HIP1R: variants seen among roughly 807,000 people sequenced by gnomAD.
HIP1R encodes huntingtin-interacting protein 1-related protein.
A neutral mutation model predicts 144.2 loss-of-function variants in HIP1R; 135 were observed. The ratio of observed to expected loss-of-function variants is 0.94; its 90% CI spans 0.81 to 1.08. The LOEUF is 1.08. Among genes scored for constraint, HIP1R ranks in the 50% least tolerant of loss-of-function variants. HIP1R has a pLI of 0.00. For missense variants in HIP1R, 1,462 were observed against 1,432.8 expected (o/e 1.02, Z -0.33); for synonymous variants, 698 against 612.8 (o/e 1.14, Z -2.05).
At chr12:122,853,303 C>T (rs1332572663) in intron 7 of HIP1R, among the ~76,000 whole-genome samples, 1 of 27,656 alleles carries the variant, frequency 3.6e-5, no homozygotes, top group Non-Finnish European at 7.9e-5. Context: ...GAGACGGGCC[C>T]TGGGGGTGTC....
rs1286391991 is a variant in HIP1R, at chr12:122,855,535, T to A, written c.994-16T>A. 6.5e-7 allele frequency: 1 copy of A among 1,549,528 alleles called. No homozygotes were observed. Among genetic ancestry groups the A allele is most frequent in the South Asian group, 1.2e-5 (1 of 83,988 alleles). On this transcript the variant is annotated splice_polypyrimidine_tract_variant and intron_variant, in intron 11 of 31. Coordinates refer to ENST00000253083, the MANE Select transcript of HIP1R (RefSeq NM_003959.3). ...AGGGCACAGGTGAGTGGGGTCACCATGCTTTGCTGTGGCAGGTGGTGGCTG... is the reference window on the plus strand; with the variant it reads ...AGGGCACAGGTGAGTGGGGTCACCAAGCTTTGCTGTGGCAGGTGGTGGCTG...
intron 18 of HIP1R, 141 bp downstream of exon 18, chr12:122,857,356 C>T: frequency 1.3e-6 from 1 of 783,352 alleles, no homozygotes; most frequent in Non-Finnish European, 2.1e-6. Flanking sequence ...CCGGCTTCTT[C>T]ACTCAGCATC....
chr12:122,860,965 C>A lies in HIP1R; in HGVS notation c.2816C>A (p.Ser939Tyr). ...CACCTGAGCCGCCTGCAGGAATGTTCTCGCACAGTCAATGAGAGGGCTGCC... is the reference window on the plus strand; with the variant it reads ...CACCTGAGCCGCCTGCAGGAATGTTATCGCACAGTCAATGAGAGGGCTGCC... ...SPHLSRLQEC[S>Y]RTVNERAANV... Residue 939 changes from serine to tyrosine, a missense_variant, in exon 29 of 32, where the codon TCT becomes TAT. Coordinates refer to ENST00000253083, the MANE Select transcript of HIP1R (RefSeq NM_003959.3). 1 of 1,613,528 alleles carries A rather than the reference C, an allele frequency of 6.2e-7. No individual in the cohort carries two copies. Among genetic ancestry groups the A allele is most frequent in the South Asian group, 1.1e-5 (1 of 91,066 alleles).
intron 7 of HIP1R, among the ~76,000 whole-genome samples, chr12:122,852,664 C>T (rs977763647): frequency 6.6e-6 from 1 of 152,218 alleles, no homozygotes; most frequent in African/African-American, 2.4e-5. Context: ...AGCAAAGAAA[C>T]ACAAACGTCC....
intron 21 of HIP1R, 29 bp downstream of exon 21, chr12:122,858,974 G>A: frequency 6.2e-7 from 1 of 1,611,932 alleles, no homozygotes; most frequent in Non-Finnish European, 8.5e-7. Flanking sequence ...GGCAGGTTCT[G>A]TCCACCTCAC....
chr12:122,862,866 C>T lies in HIP1R; in HGVS notation c.*1113C>T, dbSNP rs887508697. ...AAATACTGGCCAAGGTCAGGAGGAG[C>T]AAAAATGAGCCAGCACCAGCGCCTT... On this transcript the variant is annotated 3_prime_UTR_variant, in exon 32 of 32. Coordinates refer to ENST00000253083, the MANE Select transcript of HIP1R (RefSeq NM_003959.3). 1 of 152,064 alleles carries T rather than the reference C, an allele frequency of 6.6e-6. No homozygotes were observed. Among genetic ancestry groups the T allele is most frequent in the African/African-American group, 2.4e-5 (1 of 41,392 alleles). 9.4% of individuals were successfully genotyped at this position (152,064 alleles called of 1,614,324 possible). A position where few individuals can be genotyped will look rare whatever the true frequency, so the allele number is the denominator to read the frequency against.
chr12:122,860,395 T>G (rs2033733026), intron 26 of HIP1R, 28 bp from the exon 27 acceptor site: 1 of 1,610,446 alleles, frequency 6.2e-7, no homozygotes, highest in African/African-American at 1.3e-5. Flanking sequence ...GACTGGCATG[T>G]CCTGCCCTGT....
chr12:122,856,863 G>A, intron 17 of HIP1R, 137 bp downstream of exon 17: 2 of 1,028,014 alleles, frequency 1.9e-6, no homozygotes, highest in Non-Finnish European at 2.9e-6. Context: ...CAGACCCAGG[G>A]GCTACATGGG....
At chr12:122,851,046 C>G (rs2033379511) in intron 6 of HIP1R, 135 bp downstream of exon 6, 3 of 889,938 alleles carry the variant, frequency 3.4e-6, no homozygotes, top group Non-Finnish European at 5.2e-6. Context: ...GATGCTCACG[C>G]TCCCAGGGAC....
At chr12:122,861,537 G>C (rs1490412050) in intron 31 of HIP1R, 23 bp downstream of exon 31, 2 of 1,600,292 alleles carry the variant, frequency 1.2e-6, no homozygotes, top group African/African-American at 2.7e-5. Flanking sequence ...CTGGGATGGG[G>C]GAGTTCCTGG....
rs757873697 is a variant in HIP1R at position 122,860,047 on chromosome 12, G to A, written c.2466G>A (p.Arg822=). 3.2e-6 allele frequency: 5 copies of A among 1,556,474 alleles called. No homozygotes were observed. Among genetic ancestry groups the A allele is most frequent in the Non-Finnish European group, 3.5e-6 (4 of 1,152,258 alleles). The change falls in exon 25 of 32, where the codon AGG becomes AGA. Residue 822 remains arginine (R), a splice_region_variant and synonymous_variant. Coordinates refer to ENST00000253083, the MANE Select transcript of HIP1R (RefSeq NM_003959.3). The stretch of plus-strand genomic sequence containing the variant: ...CTAAGTCTCTCCTTCTCTCCCCCAG[G>A]ATCCTCAACTCCTGCACAGACCTGA... The part of the protein sequence containing the change: ...SSGVKLEVNE[R]ILNSCTDLMK...
rs373603682 is a variant in HIP1R at position 122,855,430 on chromosome 12, C to A, written c.993+25C>A. The A allele has an allele frequency of 2.6e-6, 4 of 1,551,402 alleles. No homozygotes were observed. The East Asian group carries it at 9.7e-5, about 38-fold the overall frequency. ...GGTGAGCCCCCTGCCCAGCCCGTGT[C>A]CCCCAGTCCTCCAGCTGCAGCATGA... On this transcript the variant is annotated intron_variant, in intron 11 of 31. Transcript: ENST00000253083.
At position 122,856,056 on chromosome 12, in the gene HIP1R, A is replaced by G. The variant is rs779351725; in HGVS notation, c.1205A>G (p.Lys402Arg). ...GAGCTGGAGGAGCAGCGGAAGCAGA[A>G]GCAGAAGGCCCTGGTGGATAATGAG... is the stretch of plus-strand genomic sequence containing the variant. ...EGELEEQRKQ[K>R]QKALVDNEQL... Residue 402 changes from lysine (K) to arginine (R), a missense_variant, in exon 14 of 32, where the codon AAG becomes AGG. Around this residue, in one of 2 missense-constraint regions of HIP1R, gnomAD observed 1,112 missense variants for 1,011.7 expected, o/e 1.10. Transcript: ENST00000253083. 7 of 1,593,208 alleles carry G rather than the reference A, an allele frequency of 4.4e-6. No homozygotes were observed. Among genetic ancestry groups the G allele is most frequent in the Non-Finnish European group, 5.1e-6 (6 of 1,170,216 alleles).
In HIP1R at chr12:122,861,802, C is replaced by T. The variant is rs1475451253; in HGVS notation, c.*49C>T. The T allele has an allele frequency of 1.1e-5, 17 of 1,573,878 alleles. No homozygotes were observed. Among genetic ancestry groups the T allele is most frequent in the Non-Finnish European group, 1.4e-5 (16 of 1,145,304 alleles). Reference sequence around the variant, plus strand: ...GGCTGGTGACAGGCCTGGGCCTCTGCAACTGCCCTGACAGGACCGAGAGGC... The same window carrying T: ...GGCTGGTGACAGGCCTGGGCCTCTGTAACTGCCCTGACAGGACCGAGAGGC... On this transcript the variant is annotated 3_prime_UTR_variant, in exon 32 of 32. Transcript: ENST00000253083.
intron 17 of HIP1R, 83 bp downstream of exon 17, chr12:122,856,809 C>T (rs1555263300): frequency 2.4e-6 from 3 of 1,253,822 alleles, no homozygotes; most frequent in Non-Finnish European, 3.4e-6. Flanking sequence ...GTGAACAGGC[C>T]CCACCTGGGT....
intron 4 of HIP1R, among the ~76,000 whole-genome samples, chr12:122,849,283 C>T (rs1489826418): frequency 6.6e-6 from 1 of 152,254 alleles, no homozygotes; most frequent in African/African-American, 2.4e-5. Flanking sequence ...ACTGCAAGAC[C>T]TCAGGAGTTA....
intron 21 of HIP1R, 55 bp from the exon 22 acceptor site, chr12:122,859,006 C>G (rs1331577238): frequency 2.5e-6 from 4 of 1,581,574 alleles, no homozygotes; most frequent in Non-Finnish European, 3.4e-6. Context: ...CCCTGGGGGT[C>G]CTTATGGAGC....
chr12:122,849,668 T>C (rs763562939), intron 4 of HIP1R, among the ~76,000 whole-genome samples: 7 of 152,268 alleles, frequency 4.6e-5, no homozygotes, highest in Non-Finnish European at 7.3e-5. Flanking sequence ...AGAGCTCTCT[T>C]CTCACAAGAG....
chr12:122,848,136 T>A, intron 2 of HIP1R, 42 bp downstream of exon 2: 1 of 1,601,480 alleles, frequency 6.2e-7, no homozygotes, highest in Non-Finnish European at 8.5e-7. Context: ...TGGGTGTGGA[T>A]GTGGGAGCAG....
Sources: gnomAD v4.1 joint callset for allele counts (sites outside exome capture counted in the v4.1 genomes callset) on GRCh38, gnomAD v4.1.1 for gene constraint, gnomAD v4.1.1 regional missense constraint, MANE v1.5 for transcripts, NCBI Gene and HGNC (gene_info 2026-07-23, HGNC 2026-07-21) for gene names.